The following ERAP1 variants were observed in gnomAD, a reference collection of about 807,000 sequenced individuals.
The protein encoded by ERAP1 is adipocyte-derived leucine aminopeptidase.
ERAP1 carries 86 observed loss-of-function variants against 103.7 expected under a neutral mutation model. The ratio of observed to expected loss-of-function variants is 0.83; its 90% CI spans 0.70 to 0.99. The LOEUF is 0.99. Among genes scored for constraint, ERAP1 ranks in the 50% least tolerant of loss-of-function variants. ERAP1 has a pLI of 0.00. For missense variants in ERAP1, 1,009 were observed against 1,128.4 expected (o/e 0.89, Z 1.52); for synonymous variants, 398 against 402.4 (o/e 0.99, Z 0.13).
chr5:96,811,348 A>G (rs991641833), upstream of ERAP1, among the ~76,000 whole-genome samples: 2 of 152,332 alleles, frequency 1.3e-5, no homozygotes. Flanking sequence ...ATTTACATAT[A>G]GTCTATCTCA....
At chr5:96,780,248 C>A (rs1774955132) in intron 18 of ERAP1, among the ~76,000 whole-genome samples, 175 bp downstream of exon 18, 2 of 152,228 alleles carry the variant, frequency 1.3e-5, no homozygotes, top group African/African-American at 4.8e-5. Flanking sequence ...ACAGTTTTCA[C>A]TAGTTTAATT....
chr5:96,848,977 G>A, the ERAP1 span, among the ~76,000 whole-genome samples: 1 of 152,072 alleles, frequency 6.6e-6, no homozygotes, highest in Admixed American at 6.5e-5. Flanking sequence ...TTCAACATAT[G>A]CAAATCATAA....
At chr5:96,902,378 G>A in the ERAP1 span, 19 of 1,410,620 alleles carry the variant, frequency 1.3e-5, no homozygotes, top group African/African-American at 2.0e-4. Context: ...AGCCAAACAG[G>A]TATTTCAATG....
the ERAP1 span, among the ~76,000 whole-genome samples, chr5:96,856,339 A>T: frequency 4.0e-4 from 8 of 20,106 alleles, no homozygotes; most frequent in Non-Finnish European, 6.8e-4. Flanking sequence ...AAAAAAAAAA[A>T]AAAAAAAAAA....
the ERAP1 span, among the ~76,000 whole-genome samples, chr5:96,845,283 G>T: frequency 6.6e-6 from 1 of 151,990 alleles, no homozygotes; most frequent in Non-Finnish European, 1.5e-5. Flanking sequence ...CACCCAGGCT[G>T]GAGTGCAGTG....
At chr5:96,798,603 T>C (rs2013633) in intron 3 of ERAP1, among the ~76,000 whole-genome samples, 24,553 of 151,182 alleles carry the variant, frequency 0.16, 2,267 homozygotes, top group Non-Finnish European at 0.22. Context: ...TTTTGAGAGA[T>C]AGGGTCTTGC....
At chr5:96,916,009 T>C in the ERAP1 span, among the ~76,000 whole-genome samples, 6,287 of 151,972 alleles carry the variant, frequency 0.041, 258 homozygotes, top group East Asian at 0.13. Context: ...GATCATGGGG[T>C]CAGGAGTTCG....
the ERAP1 span, chr5:96,873,662 T>C: frequency 1.9e-4 from 65 of 333,430 alleles, no homozygotes; most frequent in Non-Finnish European, 3.6e-4. Flanking sequence ...ATGAAGCAAG[T>C]GTTGGGCAAT....
the ERAP1 span, among the ~76,000 whole-genome samples, chr5:96,904,291 G>T: frequency 6.6e-6 from 1 of 152,336 alleles, no homozygotes; most frequent in East Asian, 1.9e-4. Flanking sequence ...AATGGCTGGA[G>T]GGAATTGAGG....
rs376993299 is a variant in ERAP1 at position 96,792,117 on chromosome 5, G to T, written c.1264C>A (p.Pro422Thr). ...ALNSSHPVST[P>T]VENPAQIREM... is the part of the protein sequence containing the mutation. ...CGGATCTGAGCAGGATTTTCCACAG[G>T]TGTAGACACAGGGTGTGAGGAATTT... The change falls in exon 8 of 19, where the codon CCT becomes ACT. Residue 422 changes from proline (P) to threonine (T), a missense_variant. By Grantham distance (38) the Pro-to-Thr change is conservative. Transcript: ENST00000443439. 25 of 1,613,952 alleles carry T rather than the reference G, an allele frequency of 1.5e-5. No individual in the cohort carries two copies. The highest frequency in any genetic ancestry group is 1.9e-5 in the Non-Finnish European group (23 of 1,179,944).
At chr5:96,860,830 A>G in the ERAP1 span, among the ~76,000 whole-genome samples, 11 of 152,186 alleles carry the variant, frequency 7.2e-5, no homozygotes, top group Non-Finnish European at 1.5e-4. Flanking sequence ...TCAGACTCAA[A>G]TTTCCAGCCT....
At chr5:96,855,221 G>A in the ERAP1 span, among the ~76,000 whole-genome samples, 2 of 152,238 alleles carry the variant, frequency 1.3e-5, no homozygotes, top group African/African-American at 4.8e-5. Flanking sequence ...ACACATTATG[G>A]GAGAACAGAC....
At chr5:96,899,530 T>C in the ERAP1 span, among the ~76,000 whole-genome samples, 1 of 152,244 alleles carries the variant, frequency 6.6e-6, no homozygotes, top group Non-Finnish European at 1.5e-5. Flanking sequence ...TTTTTTCTCA[T>C]TTGCAGTTGC....
chr5:96,831,551 C>A, the ERAP1 span, among the ~76,000 whole-genome samples: 1 of 152,142 alleles, frequency 6.6e-6, no homozygotes, highest in East Asian at 1.9e-4. Flanking sequence ...AATTATAAGG[C>A]CAACCTGCAG....
At chr5:96,847,984 A>C in the ERAP1 span, among the ~76,000 whole-genome samples, 3 of 149,348 alleles carry the variant, frequency 2.0e-5, no homozygotes, top group Non-Finnish European at 3.0e-5. Context: ...AAATAAATAA[A>C]TGAAATAGAG....
At chr5:96,891,572 TAC>T in the ERAP1 span, among the ~76,000 whole-genome samples, 5,499 of 132,854 alleles carry the variant, frequency 0.041, 159 homozygotes, top group East Asian at 0.094. Flanking sequence ...ACATATATGG[TAC>T]ACACACACAC....
the ERAP1 span, among the ~76,000 whole-genome samples, chr5:96,923,918 G>A: frequency 2.0e-5 from 3 of 152,250 alleles, no homozygotes; most frequent in Admixed American, 2.0e-4. Flanking sequence ...AGAGGACCCT[G>A]AAGTTGGGAG....
the ERAP1 span, among the ~76,000 whole-genome samples, chr5:96,925,325 A>G: frequency 1.3e-5 from 2 of 152,196 alleles, no homozygotes; most frequent in African/African-American, 4.8e-5. Flanking sequence ...CAAAGGAGAA[A>G]GTGAAGCTCA....
intron 2 of ERAP1, 67 bp from the exon 3 acceptor site, chr5:96,801,067 C>T: frequency 1.3e-6 from 2 of 1,539,794 alleles, no homozygotes; most frequent in East Asian, 2.2e-5. Context: ...CAGGTGTTTG[C>T]TTTTTAATTC....
Sources: gnomAD v4.1 joint callset for allele counts (sites outside exome capture counted in the v4.1 genomes callset) on GRCh38, gnomAD v4.1.1 for gene constraint, MANE v1.5 for transcripts, NCBI Gene and HGNC (gene_info 2026-07-23, HGNC 2026-07-21) for gene names.